The following SAMMSON variants were observed in gnomAD, a reference collection of about 807,000 sequenced individuals.
SAMMSON encodes survival associated mitochondrial melanoma specific oncogenic non-coding RNA.
chr3:70,211,399 TCCTTTTG>T (rs1341535998), intron 4 of SAMMSON, among the ~76,000 whole-genome samples: 64 of 6,160 alleles, frequency 0.01, no homozygotes, highest in Non-Finnish European at 0.056. Flanking sequence ...TCCCTTCCCT[TCCTTTTG>T]CCCTTCCCTT....
chr3:70,244,356 TA>T (rs1364538139), intron 4 of SAMMSON, among the ~76,000 whole-genome samples: 1 of 152,236 alleles, frequency 6.6e-6, no homozygotes, highest in Non-Finnish European at 1.5e-5. Flanking sequence ...TTGAGTGAGT[TA>T]CATCTATTAT....
chr3:70,028,088 C>A (rs1218197394), intron 3 of SAMMSON, among the ~76,000 whole-genome samples: 1 of 143,212 alleles, frequency 7.0e-6, no homozygotes, highest in Non-Finnish European at 1.5e-5. Context: ...TTCCTTCTTT[C>A]CTTCCTTCCT....
chr3:70,073,555 AG>A (rs1345525602), intron 4 of SAMMSON, among the ~76,000 whole-genome samples: 5 of 151,828 alleles, frequency 3.3e-5, no homozygotes, highest in Non-Finnish European at 7.4e-5. Flanking sequence ...CAGAAAACTA[AG>A]GTTATTGGTT....
chr3:70,231,611 G>C (rs1183442141), intron 4 of SAMMSON, among the ~76,000 whole-genome samples: 2 of 152,068 alleles, frequency 1.3e-5, no homozygotes, highest in Non-Finnish European at 2.9e-5. Flanking sequence ...TCCTTCCCTG[G>C]TTAGTTACCA....
At chr3:70,255,912 GA>G (rs1314634939) in intron 6 of SAMMSON, among the ~76,000 whole-genome samples, 8 of 151,842 alleles carry the variant, frequency 5.3e-5, no homozygotes, top group East Asian at 1.9e-4. Flanking sequence ...GCATTTACAG[GA>G]AAAAAATTCT....
intron 7 of SAMMSON, among the ~76,000 whole-genome samples, chr3:70,332,014 TG>T (rs1298316360): frequency 2.6e-5 from 4 of 152,234 alleles, no homozygotes; most frequent in Admixed American, 6.5e-5. Context: ...TTGATAGATC[TG>T]ATGAATGATC....
intron 2 of SAMMSON, among the ~76,000 whole-genome samples, chr3:70,423,681 G>C (rs550016798): frequency 6.6e-6 from 1 of 152,176 alleles, no homozygotes; most frequent in Admixed American, 6.5e-5. Context: ...GGTCTAAAAA[G>C]TATAGGCTCA....
chr3:70,197,410 C>G (rs758451165), intron 4 of SAMMSON, among the ~76,000 whole-genome samples: 1 of 152,100 alleles, frequency 6.6e-6, no homozygotes, highest in Non-Finnish European at 1.5e-5. Flanking sequence ...CCTATTGATT[C>G]GACATAATCT....
chr3:70,406,076 G>A (rs1701176144), intron 2 of SAMMSON, among the ~76,000 whole-genome samples: 1 of 152,036 alleles, frequency 6.6e-6, no homozygotes, highest in Admixed American at 6.6e-5. Context: ...CAAAAAAAAT[G>A]TAAACTAATG....
chr3:70,188,829 T>G (rs1347340737), intron 4 of SAMMSON, among the ~76,000 whole-genome samples: 2 of 152,210 alleles, frequency 1.3e-5, no homozygotes, highest in Non-Finnish European at 2.9e-5. Flanking sequence ...TCAATGCATT[T>G]GACTGGTAAA....
intron 2 of SAMMSON, among the ~76,000 whole-genome samples, chr3:70,431,125 A>G (rs1411749453): frequency 1.3e-5 from 2 of 152,118 alleles, no homozygotes; most frequent in African/African-American, 4.8e-5. Context: ...TGAGACCATA[A>G]AAACTTACGA....
At chr3:70,317,161 T>C (rs1702501035) in intron 7 of SAMMSON, among the ~76,000 whole-genome samples, 1 of 152,166 alleles carries the variant, frequency 6.6e-6, no homozygotes, top group South Asian at 2.1e-4. Flanking sequence ...ATATTTCACA[T>C]CTACACATGT....
chr3:70,031,957 A>G (rs2067067824), intron 3 of SAMMSON, among the ~76,000 whole-genome samples: 1 of 152,236 alleles, frequency 6.6e-6, no homozygotes, highest in Non-Finnish European at 1.5e-5. Flanking sequence ...ATTTCAAGTT[A>G]ATGGTAAAGA....
chr3:70,222,660 CCTTACCA>C (rs1173510799), intron 4 of SAMMSON, among the ~76,000 whole-genome samples: 13 of 152,134 alleles, frequency 8.5e-5, no homozygotes, highest in African/African-American at 3.1e-4. Context: ...ACTCAGACAT[CCTTACCA>C]CTTAGCTAAT....
At chr3:70,045,291 T>C (rs2067122306) in intron 3 of SAMMSON, among the ~76,000 whole-genome samples, 1 of 149,454 alleles carries the variant, frequency 6.7e-6, no homozygotes, top group Non-Finnish European at 1.5e-5. Context: ...TGTTGACTTT[T>C]ACCCCAGACA....
At chr3:70,142,153 C>T (rs553439668) in intron 4 of SAMMSON, among the ~76,000 whole-genome samples, 1 of 152,224 alleles carries the variant, frequency 6.6e-6, no homozygotes, top group Admixed American at 6.5e-5. Context: ...GTAGAACTAC[C>T]ATTTGATTCA....
chr3:70,106,641 G>A (rs1338936454), intron 4 of SAMMSON, among the ~76,000 whole-genome samples: 1 of 151,904 alleles, frequency 6.6e-6, no homozygotes, highest in Non-Finnish European at 1.5e-5. Context: ...CGCCTAGCCA[G>A]ATTTTGCATT....
intron 4 of SAMMSON, among the ~76,000 whole-genome samples, chr3:70,203,719 T>A (rs1701265157): frequency 6.6e-6 from 1 of 152,176 alleles, no homozygotes; most frequent in African/African-American, 2.4e-5. Context: ...TTGAGGTATC[T>A]TGTATTTATG....
chr3:70,339,900 C>G (rs1702697618), intron 7 of SAMMSON, among the ~76,000 whole-genome samples: 1 of 152,166 alleles, frequency 6.6e-6, no homozygotes, highest in African/African-American at 2.4e-5. Context: ...CATCCCATTA[C>G]TGGGTATATA....
Sources: gnomAD v4.1 joint callset for allele counts (sites outside exome capture counted in the v4.1 genomes callset) on GRCh38, gnomAD v4.1.1 for gene constraint, MANE v1.5 for transcripts, NCBI Gene and HGNC (gene_info 2026-07-23, HGNC 2026-07-21) for gene names.